Variants in LYPLAL1 observed in about 807,000 individuals in gnomAD.
LYPLAL1 encodes lysophospholipase like 1.
A neutral mutation model predicts 19.7 loss-of-function variants in LYPLAL1; 23 were observed. The ratio of observed to expected loss-of-function variants is 1.17; its 90% CI spans 0.84 to 1.65. The LOEUF is 1.65. Ranked by LOEUF, LYPLAL1 falls within the 40% of genes most tolerant of loss-of-function variation. The pLI, the probability that LYPLAL1 is intolerant of heterozygous loss-of-function variation, is 0.00. For synonymous variants in LYPLAL1, 119 were observed against 96.3 expected, an observed-to-expected ratio of 1.24 and a Z score of -1.38; for missense variants, 355 against 279.4, an observed-to-expected ratio of 1.27 and a Z score of -1.93.
the LYPLAL1 span, among the ~76,000 whole-genome samples, chr1:219,412,589 G>A: frequency 9.2e-5 from 14 of 152,302 alleles, no homozygotes; most frequent in African/African-American, 3.4e-4. Context: ...ATTGCTCAGA[G>A]AGAATAAAAG....
At chr1:219,223,873 GT>G in the LYPLAL1 span, among the ~76,000 whole-genome samples, 1 of 151,674 alleles carries the variant, frequency 6.6e-6, no homozygotes, top group Non-Finnish European at 1.5e-5. Flanking sequence ...ATTTTGTTTT[GT>G]TTTTTTCTTT....
the LYPLAL1 span, among the ~76,000 whole-genome samples, chr1:219,431,768 C>A: frequency 2.0e-5 from 3 of 152,318 alleles, no homozygotes; most frequent in African/African-American, 7.2e-5. Flanking sequence ...CCTAACCCAA[C>A]CCTAGTGTTG....
chr1:219,299,877 A>G, the LYPLAL1 span, among the ~76,000 whole-genome samples: 1 of 152,148 alleles, frequency 6.6e-6, no homozygotes, highest in African/African-American at 2.4e-5. Flanking sequence ...ATATATATGC[A>G]CACACACATA....
chr1:219,364,375 A>G, the LYPLAL1 span, among the ~76,000 whole-genome samples: 1 of 151,774 alleles, frequency 6.6e-6, no homozygotes, highest in African/African-American at 2.4e-5. Flanking sequence ...TCTCTAATAC[A>G]CTCTGTTTCC....
chr1:219,233,148 A>G, the LYPLAL1 span, among the ~76,000 whole-genome samples: 3 of 152,222 alleles, frequency 2.0e-5, no homozygotes, highest in Admixed American at 6.5e-5. Flanking sequence ...GATAAACACA[A>G]TGTGGCACAT....
At chr1:219,258,939 A>T in the LYPLAL1 span, among the ~76,000 whole-genome samples, 44 of 152,194 alleles carry the variant, frequency 2.9e-4, no homozygotes, top group Admixed American at 2.7e-3. Flanking sequence ...AAATAATCCC[A>T]TCAAAAAGTG....
the LYPLAL1 span, among the ~76,000 whole-genome samples, chr1:219,220,227 G>A: frequency 1.2e-4 from 18 of 152,260 alleles, no homozygotes; most frequent in South Asian, 2.1e-4. Flanking sequence ...CACATGGACC[G>A]CTGTAGGGGT....
the LYPLAL1 span, among the ~76,000 whole-genome samples, chr1:219,344,270 T>A: frequency 6.6e-6 from 1 of 152,164 alleles, no homozygotes; most frequent in East Asian, 1.9e-4. Context: ...TCAGACCATA[T>A]CCAGTTTTTA....
chr1:219,244,043 G>A, the LYPLAL1 span, among the ~76,000 whole-genome samples: 4 of 151,972 alleles, frequency 2.6e-5, no homozygotes, highest in South Asian at 2.1e-4. Flanking sequence ...GCAAGATCTC[G>A]GAGAGAAGCC....
At chr1:219,391,249 C>A in the LYPLAL1 span, among the ~76,000 whole-genome samples, 1 of 152,254 alleles carries the variant, frequency 6.6e-6, no homozygotes. Context: ...GGACTGCTAT[C>A]GTTTTCCTGT....
the LYPLAL1 span, among the ~76,000 whole-genome samples, chr1:219,220,893 C>T: frequency 6.6e-6 from 1 of 152,112 alleles, no homozygotes; most frequent in African/African-American, 2.4e-5. Flanking sequence ...ACTTACGAGA[C>T]TGGAACACCA....
intron 3 of LYPLAL1, among the ~76,000 whole-genome samples, chr1:219,194,107 C>G (rs1256811533): frequency 2.0e-5 from 3 of 151,768 alleles, no homozygotes; most frequent in Non-Finnish European, 4.4e-5. Context: ...TGGATAAAAT[C>G]CATTCTATTC....
the LYPLAL1 span, among the ~76,000 whole-genome samples, chr1:219,377,838 C>G: frequency 6.6e-6 from 1 of 152,146 alleles, no homozygotes; most frequent in Non-Finnish European, 1.5e-5. Context: ...CAAAGACACC[C>G]AGCTTCCTAA....
At chr1:219,320,332 C>T in the LYPLAL1 span, among the ~76,000 whole-genome samples, 3 of 152,134 alleles carry the variant, frequency 2.0e-5, no homozygotes, top group South Asian at 6.2e-4. Context: ...TCAGAATCCC[C>T]GAGAATCCAG....
the LYPLAL1 span, among the ~76,000 whole-genome samples, chr1:219,238,863 A>G: frequency 2.6e-5 from 4 of 152,244 alleles, no homozygotes; most frequent in African/African-American, 9.6e-5. Flanking sequence ...ACTATTGTTT[A>G]GGTAAATATG....
At chr1:219,205,552 T>C (rs1002312858) in intron 3 of LYPLAL1, among the ~76,000 whole-genome samples, 2 of 152,194 alleles carry the variant, frequency 1.3e-5, no homozygotes, top group Non-Finnish European at 2.9e-5. Context: ...GTCAAAATTC[T>C]GTACAGTACA....
chr1:219,186,131 T>C (rs1026855204), intron 2 of LYPLAL1, among the ~76,000 whole-genome samples: 2 of 151,876 alleles, frequency 1.3e-5, no homozygotes, highest in South Asian at 2.1e-4. Context: ...ACATGTTGTT[T>C]CCAGATATTT....
chr1:219,259,859 G>A, the LYPLAL1 span, among the ~76,000 whole-genome samples: 1 of 151,778 alleles, frequency 6.6e-6, no homozygotes, highest in South Asian at 2.1e-4. Flanking sequence ...AGCTGATATG[G>A]ATAAATGCAT....
At chr1:219,188,260 A>T (rs1237655633) in intron 2 of LYPLAL1, among the ~76,000 whole-genome samples, 2 of 151,870 alleles carry the variant, frequency 1.3e-5, no homozygotes, top group African/African-American at 2.4e-5. Flanking sequence ...ATAATTTCAA[A>T]TAGTGATAAA....
Sources: allele counts gnomAD v4.1 joint callset (sites outside exome capture counted in the v4.1 genomes callset), GRCh38; gene constraint gnomAD v4.1.1; transcripts MANE v1.5; gene names NCBI Gene and HGNC (gene_info 2026-07-23, HGNC 2026-07-21).